RBM27: variants seen among roughly 807,000 people sequenced by gnomAD.
The protein encoded by RBM27 is RNA binding motif protein 27, also known as RNA-binding protein 27.
A neutral mutation model predicts 135.3 loss-of-function variants in RBM27; 22 were observed. The observed-to-expected ratio is 0.16, with a 90% CI of 0.12 to 0.23. The LOEUF is 0.23. RBM27 is among the 10% of genes least tolerant of loss of function. RBM27 has a pLI of 1.00. For synonymous variants in RBM27, 481 were observed against 442.4 expected, an observed-to-expected ratio of 1.09 and a Z score of -1.10; for missense variants, 1,009 against 1,281.0, an observed-to-expected ratio of 0.79 and a Z score of 3.24.
intron 17 of RBM27, among the ~76,000 whole-genome samples, chr5:146,270,420 T>C (rs1213129518): frequency 6.6e-6 from 1 of 152,288 alleles, no homozygotes; most frequent in East Asian, 1.9e-4. Flanking sequence ...ATAATAAAAA[T>C]GTTTTTTATT....
intron 11 of RBM27, among the ~76,000 whole-genome samples, chr5:146,260,356 G>T (rs909817258): frequency 1.3e-5 from 2 of 151,924 alleles, no homozygotes; most frequent in South Asian, 2.1e-4. Flanking sequence ...AATGTTAAGG[G>T]CTCACAAAAG....
intron 9 of RBM27, among the ~76,000 whole-genome samples, chr5:146,253,970 T>G (rs1357217358): frequency 6.6e-6 from 1 of 152,204 alleles, no homozygotes; most frequent in Non-Finnish European, 1.5e-5. Flanking sequence ...GTGTGCTTTT[T>G]TATTTGAAAT....
Position 146,229,814 on chromosome 5 carries a change from G to A in RBM27, c.493G>A (p.Gly165Ser), listed in dbSNP as rs1456967272. 1.2e-6 allele frequency: 2 copies of A among 1,613,968 alleles called. No homozygotes were observed. Among genetic ancestry groups the A allele is most frequent in the Non-Finnish European group, 1.7e-6 (2 of 1,180,020 alleles). The change falls in exon 5 of 21, where the codon GGC (glycine) becomes AGC (serine). Residue 165 changes from glycine (G) to serine (S), a missense_variant. By Grantham distance (56) the Gly-to-Ser change is moderately conservative (BLOSUM62 0). Transcript: ENST00000265271. ...CCGTGAGAAGTATGACTGGAGAAGA[G>A]GCAGGAGTAAGAGTCGGAGTAAGAG... is the stretch of plus-strand genomic sequence containing the variant. ...LYREKYDWRRGRSKSRSKSRG... is the reference protein window; with the variant it reads ...LYREKYDWRRSRSKSRSKSRG...
Position 146,231,803 on chromosome 5 carries a change from C to T in RBM27, c.850+886C>T, listed in dbSNP as rs900522810. Among the ~76,000 whole-genome samples, 4 of 151,840 alleles carry T rather than the reference C, an allele frequency of 2.6e-5. No homozygotes were observed. The South Asian group carries it at 6.3e-4, about 24-fold the overall frequency. On this transcript the variant is annotated intron_variant, in intron 6 of 20. Coordinates refer to ENST00000265271, the MANE Select transcript of RBM27 (RefSeq NM_018989.2). ...CGGCTAATTTTTGTATTAGTAGAGA[C>T]GGGGTTTCACCATGTTGGTCAGGCT...
chr5:146,227,732 C>T (rs573843015), intron 3 of RBM27, among the ~76,000 whole-genome samples: 3 of 152,108 alleles, frequency 2.0e-5, no homozygotes, highest in African/African-American at 7.2e-5. Flanking sequence ...GAGTGAGACT[C>T]GGTCTCCAAA....
In RBM27 at chr5:146,260,780, T is replaced by C. The variant is rs374260349; in HGVS notation, c.1775T>C (p.Leu592Ser). 1 of 1,610,552 alleles carries C rather than the reference T, an allele frequency of 6.2e-7. No individual in the cohort carries two copies. The highest frequency in any genetic ancestry group is 8.5e-7 in the Non-Finnish European group (1 of 1,179,054). Residue 592 changes from leucine (L) to serine (S), a missense_variant, in exon 12 of 21, where the codon TTA becomes TCA. Coordinates refer to ENST00000265271, the MANE Select transcript of RBM27 (RefSeq NM_018989.2). ...AACAATCAAAATAAACCAGGGTTCTTACGAAAGAATCAGTATACAAACACC... is the reference window on the plus strand; with the variant it reads ...AACAATCAAAATAAACCAGGGTTCTCACGAAAGAATCAGTATACAAACACC... ...GNNNQNKPGF[L>S]RKNQYTNTKL...
rs768589680 is a variant in RBM27, at chr5:146,260,772, A to T, written c.1767A>T (p.Pro589=). Residue 589 remains proline, a synonymous_variant, in exon 12 of 21, where the codon CCA becomes CCT. Transcript: ENST00000265271. ...GKQGNNNQNK[P]GFLRKNQYTN... ...AAGGAAATAACAATCAAAATAAACCAGGGTTCTTACGAAAGAATCAGTATA... is the reference window on the plus strand; with the variant it reads ...AAGGAAATAACAATCAAAATAAACCTGGGTTCTTACGAAAGAATCAGTATA... The T allele has an allele frequency of 1.2e-6, 2 of 1,609,140 alleles. No homozygotes were observed. The highest frequency in any genetic ancestry group is 3.4e-5 in the Admixed American group (2 of 58,674).
rs1401629359 is a variant in RBM27, at chr5:146,233,613, T to A, written c.1014T>A (p.Gly338=). ...GAATGTTAATGCCTCCAATGCCAGG[T>A]CCAGGCCCAGGCCCGGGCCCAGGTC... The part of the protein sequence containing the change: ...PPGMLMPPMP[G]PGPGPGPGPG... Residue 338 remains glycine, a synonymous_variant, in exon 7 of 21, where the codon GGT becomes GGA. Transcript: ENST00000265271. The A allele has an allele frequency of 6.2e-7, 1 of 1,602,446 alleles. No homozygotes were observed. Among genetic ancestry groups the A allele is most frequent in the Non-Finnish European group, 8.5e-7 (1 of 1,172,678 alleles).
intron 1 of RBM27, among the ~76,000 whole-genome samples, chr5:146,210,531 G>A (rs1370428964): frequency 1.3e-5 from 2 of 152,056 alleles, no homozygotes; most frequent in East Asian, 1.9e-4. Context: ...TGTGAAAGGA[G>A]CCTGCTTGTT....
rs368878871 is a variant in RBM27, at chr5:146,279,255, C to T, written c.2989-5367C>T. 2.0e-5 allele frequency among the ~76,000 whole-genome samples: 3 copies of T among 151,018 alleles called. No homozygotes were observed. The East Asian group carries it at 6.1e-4, about 31-fold the overall frequency. On this transcript the variant is annotated intron_variant, in intron 19 of 20. Transcript: ENST00000265271. ...ACGAGGTCAGGAGATTGAGACCATC[C>T]TGGCTGACACAGTGAAACCCCATCT...
At chr5:146,230,593 A>G (rs1196623472) in intron 5 of RBM27, 64 bp from the exon 6 acceptor site, 25 of 1,501,140 alleles carry the variant, frequency 1.7e-5, no homozygotes, top group Non-Finnish European at 2.3e-5. Flanking sequence ...GAAAATAAAT[A>G]TAGTTTAAGA....
rs1440463960 is a variant in RBM27, at chr5:146,258,549, G to A, written c.1695G>A (p.Met565Ile). The change falls in exon 11 of 21, where the codon ATG (methionine) becomes ATA (isoleucine). Residue 565 changes from methionine (M) to isoleucine (I), a missense_variant. This residue lies in a region of RBM27 where 329 missense variants were observed against 368.1 expected (regional missense o/e 0.89). Coordinates refer to ENST00000265271, the MANE Select transcript of RBM27 (RefSeq NM_018989.2). ...AACCAGATAGTCGAAAAAGAGCTAT[G>A]AGTGGTTTGGAAGGGCCACTCACAA... ...VLEPDSRKRA[M>I]SGLEGPLTKK... 1 of 1,591,016 alleles carries A rather than the reference G, an allele frequency of 6.3e-7. No individual in the cohort carries two copies. The highest frequency in any genetic ancestry group is 8.6e-7 in the Non-Finnish European group (1 of 1,168,854).
chr5:146,231,020 T>A, intron 6 of RBM27, 103 bp downstream of exon 6: 1 of 1,296,498 alleles, frequency 7.7e-7, no homozygotes, highest in Non-Finnish European at 1.1e-6. Flanking sequence ...TATTTTATTT[T>A]ATCTTATTTT....
At position 146,286,081 on chromosome 5, in the gene RBM27, T is replaced by C. The variant is rs369191013; in HGVS notation, c.*51T>C. On this transcript the variant is annotated 3_prime_UTR_variant, in exon 21 of 21. Coordinates refer to ENST00000265271, the MANE Select transcript of RBM27 (RefSeq NM_018989.2). ...TAGGAATATTGTTTAGAAGAACAAC[T>C]TTTAAAAATTATTTAAAAGAAGTCA... 382 of 1,502,918 alleles carry C rather than the reference T, an allele frequency of 2.5e-4. 3 individuals carry two copies. In the African/African-American group the frequency reaches 5.1e-3, roughly 20 times the overall value. 93.1% of individuals were successfully genotyped at this position (1,502,918 alleles called of 1,614,324 possible).
intron 8 of RBM27, among the ~76,000 whole-genome samples, chr5:146,251,371 A>G (rs937362528): frequency 2.0e-5 from 3 of 152,158 alleles, no homozygotes; most frequent in Non-Finnish European, 4.4e-5. Flanking sequence ...AATTCTGTGT[A>G]ATTAATAGCT....
At chr5:146,262,779 C>T (rs995758996) in intron 13 of RBM27, among the ~76,000 whole-genome samples, 19 of 152,084 alleles carry the variant, frequency 1.2e-4, no homozygotes, top group African/African-American at 4.6e-4. Flanking sequence ...TAAACATGTT[C>T]TGTTAGTACA....
chr5:146,230,748 G>A lies in RBM27; in HGVS notation c.681G>A (p.Glu227=). 6.2e-7 allele frequency: 1 copy of A among 1,614,042 alleles called. No homozygotes were observed. Among genetic ancestry groups the A allele is most frequent in the Non-Finnish European group, 8.5e-7 (1 of 1,179,924 alleles). The change falls in exon 6 of 21, where the codon GAG becomes GAA. Residue 227 remains glutamate, a synonymous_variant. Coordinates refer to ENST00000265271, the MANE Select transcript of RBM27 (RefSeq NM_018989.2). ...CTGCACCACCTCCAAACTCTTCTGA[G>A]CAGTATTCCTCTGGGGCACAGTCTA... ...PVSAPPPNSS[E]QYSSGAQSIP... is the part of the protein sequence containing the mutation.
chr5:146,234,696 C>T (rs1757085137), intron 7 of RBM27, among the ~76,000 whole-genome samples: 1 of 151,644 alleles, frequency 6.6e-6, no homozygotes, highest in Non-Finnish European at 1.5e-5. Context: ...TCATGTATGC[C>T]AAAATATAAA....
intron 1 of RBM27, among the ~76,000 whole-genome samples, chr5:146,206,071 G>GA (rs1437306781): frequency 3.3e-5 from 5 of 151,964 alleles, no homozygotes; most frequent in African/African-American, 9.7e-5. Context: ...GATTAAAAAA[G>GA]AAAAAATACA....
Sources: gnomAD v4.1 joint callset for allele counts (sites outside exome capture counted in the v4.1 genomes callset) on GRCh38, gnomAD v4.1.1 for gene constraint, gnomAD v4.1.1 regional missense constraint, MANE v1.5 for transcripts, NCBI Gene and HGNC (gene_info 2026-07-23, HGNC 2026-07-21) for gene names.